Variants in AVIL observed in about 807,000 individuals in gnomAD.
AVIL encodes the protein advillin.
Under a neutral mutation model 109.9 loss-of-function variants are expected in AVIL, and 78 were observed. The ratio of observed to expected loss-of-function variants is 0.71; its 90% CI spans 0.59 to 0.86. The LOEUF is 0.86. AVIL is among the 40% of genes least tolerant of loss of function. The pLI is 0.00. For missense variants in AVIL, 892 were observed against 1,016.5 expected, an observed-to-expected ratio of 0.88 and a Z score of 1.67; for synonymous variants, 367 against 379.1, an observed-to-expected ratio of 0.97 and a Z score of 0.37.
intron 1 of AVIL, among the ~76,000 whole-genome samples, chr12:57,818,182 C>CGCTTTTTTTTT (rs1956119834): frequency 2.8e-5 from 1 of 35,256 alleles, no homozygotes; most frequent in Non-Finnish European, 5.3e-5. Context: ...CCATGCTTGG[C>CGCTTTTTTTTT]TTTTTTTTTT....
chr12:57,818,181 G>GTTTTTTTT (rs1956119665), intron 1 of AVIL, among the ~76,000 whole-genome samples: 1 of 59,380 alleles, frequency 1.7e-5, no homozygotes, highest in Non-Finnish European at 3.5e-5. Flanking sequence ...ACCATGCTTG[G>GTTTTTTTT]CTTTTTTTTT....
intron 14 of AVIL, among the ~76,000 whole-genome samples, chr12:57,805,201 GTGCACCAC>G (rs2140445837): frequency 6.6e-6 from 1 of 151,808 alleles, no homozygotes; most frequent in East Asian, 2.0e-4. Context: ...GACTACAGGC[GTGCACCAC>G]CATGCCCAGC....
At chr12:57,815,761 T>C in intron 2 of AVIL, 1 of 1,447,880 alleles carries the variant, frequency 6.9e-7, no homozygotes, top group South Asian at 1.4e-5. Context: ...GGAGCCCTGT[T>C]CTTCGGGGCT....
In AVIL at chr12:57,808,465, C is replaced by G; in HGVS notation, c.1023G>C (p.Gln341His). 1 of 1,614,186 alleles carries G rather than the reference C, an allele frequency of 6.2e-7. No individual in the cohort carries two copies. The highest frequency in any genetic ancestry group is 8.5e-7 in the Non-Finnish European group (1 of 1,180,012). ...CCTTTACTGACCACTTCTGGAACAG[C>G]TGCTTGAACATGGCCGACTCAGCAC... The part of the protein sequence containing the change: ...NDGAESAMFK[Q>H]LFQKWSVKDQ... The change falls in exon 10 of 20, where the codon CAG becomes CAC. Residue 341 changes from glutamine to histidine, a missense_variant. Transcript: ENST00000549994.
intron 14 of AVIL, 67 bp from the exon 15 acceptor site, chr12:57,803,736 C>T: frequency 1.3e-6 from 2 of 1,571,230 alleles, no homozygotes; most frequent in Non-Finnish European, 1.7e-6. Context: ...GAAAGAAAAG[C>T]ATCTGAGACT....
At chr12:57,798,153 T>G (rs985261754) in intron 19 of AVIL, among the ~76,000 whole-genome samples, 158 bp from the exon 20 acceptor site, 4 of 152,198 alleles carry the variant, frequency 2.6e-5, no homozygotes, top group African/African-American at 7.2e-5. Context: ...AAATTATTCA[T>G]TGGAGAGGTG....
chr12:57,814,052 C>A, intron 3 of AVIL, 100 bp downstream of exon 3: 2 of 1,272,092 alleles, frequency 1.6e-6, no homozygotes, highest in South Asian at 1.3e-5. Context: ...GAGACCGATA[C>A]CAGGGACTGA....
rs113580619 is a variant in AVIL, at chr12:57,801,122, C to T, written c.2220+22G>A. ...CTGGTTGCCCATGTGGCTGGCTTCT[C>T]CCAAGAGCGAACCCGACTCACAGCA... is the stretch of plus-strand genomic sequence containing the variant. On this transcript the variant is annotated intron_variant, in intron 18 of 19. Coordinates refer to ENST00000549994, the MANE Select transcript of AVIL (RefSeq NM_006576.4). 1.2e-5 allele frequency: 20 copies of T among 1,610,982 alleles called. No individual in the cohort carries two copies. The African/African-American group carries it at 1.6e-4, about 13-fold the overall frequency.
intron 11 of AVIL, 95 bp downstream of exon 11, chr12:57,808,099 C>T (rs993523249): frequency 3.5e-6 from 5 of 1,410,302 alleles, no homozygotes; most frequent in South Asian, 3.5e-5. Flanking sequence ...AAAGGGAAAG[C>T]AAAGCAGACA....
chr12:57,811,302 A>C (rs1956035322), intron 4 of AVIL, among the ~76,000 whole-genome samples, 175 bp from the exon 5 acceptor site: 1 of 152,190 alleles, frequency 6.6e-6, no homozygotes, highest in African/African-American at 2.4e-5. Flanking sequence ...ACTTTCTGGT[A>C]GCGAGTTGGG....
At chr12:57,806,133 CTTTTTTT>C (rs372846869) in intron 14 of AVIL, 7 of 142,460 alleles carry the variant, frequency 4.9e-5, no homozygotes, top group Non-Finnish European at 5.0e-5. Flanking sequence ...CCGTGCCCAG[CTTTTTTT>C]TTTTTTTTTT....
At chr12:57,807,047 G>A (rs1263399924) in intron 13 of AVIL, among the ~76,000 whole-genome samples, 1 of 152,198 alleles carries the variant, frequency 6.6e-6, no homozygotes, top group Non-Finnish European at 1.5e-5. Flanking sequence ...CACCTGACTG[G>A]AGTGGAGGGT....
At chr12:57,806,621 ATGT>A in intron 13 of AVIL, 82 bp from the exon 14 acceptor site, 2 of 1,482,318 alleles carry the variant, frequency 1.3e-6, no homozygotes. Flanking sequence ...GGAAACGTGA[ATGT>A]TATAGTATTA....
chr12:57,797,764 T>TA lies in AVIL; in HGVS notation c.*117dup, dbSNP rs1858787618. 3 of 846,712 alleles carry TA rather than the reference T, an allele frequency of 3.5e-6. No homozygotes were observed. Among genetic ancestry groups the TA allele is most frequent in the Non-Finnish European group, 5.0e-6 (3 of 595,252 alleles). The allele number at this position is 846,712 out of a possible 1,614,324, so 52.4% of individuals were successfully genotyped here. On this transcript the variant is annotated 3_prime_UTR_variant, in exon 20 of 20. Coordinates refer to ENST00000549994, the MANE Select transcript of AVIL (RefSeq NM_006576.4). ...AGAACATGCCGTGATTTGCAGACTC[T>TA]ATTATATCTAAATTAAGTAGCTGAA... is the stretch of plus-strand genomic sequence containing the variant.
chr12:57,798,455 T>C (rs1298495787), intron 19 of AVIL, among the ~76,000 whole-genome samples: 3 of 152,210 alleles, frequency 2.0e-5, no homozygotes, highest in Non-Finnish European at 4.4e-5. Flanking sequence ...ATTTATTGAA[T>C]ATTTATATAC....
rs976261154 is a variant in AVIL, at chr12:57,797,575, T to C, written c.*307A>G. Reference sequence around the variant, plus strand: ...TATTAAACATAAAGTTATTAAACATTTTAAGCATTGTTTTTTGGTTCTCTT... The same window carrying C: ...TATTAAACATAAAGTTATTAAACATCTTAAGCATTGTTTTTTGGTTCTCTT... On this transcript the variant is annotated 3_prime_UTR_variant, in exon 20 of 20. Transcript: ENST00000549994. 45 of 917,468 alleles carry C rather than the reference T, an allele frequency of 4.9e-5. No individual in the cohort carries two copies. The highest frequency in any genetic ancestry group is 6.0e-5 in the Admixed American group (1 of 16,714). 56.8% of individuals were successfully genotyped at this position (917,468 alleles called of 1,614,324 possible).
chr12:57,802,614 C>G (rs1016281716), intron 16 of AVIL: 1 of 702,792 alleles, frequency 1.4e-6, no homozygotes, highest in Non-Finnish European at 2.6e-6. Context: ...CAACTTCTTG[C>G]AGAACACCTC....
At chr12:57,818,092 C>G (rs4760329) in intron 1 of AVIL, among the ~76,000 whole-genome samples, 185 of 151,168 alleles carry the variant, frequency 1.2e-3, no homozygotes, top group Non-Finnish European at 1.9e-3. Flanking sequence ...AATCACGGCT[C>G]ACTGCAACCG....
At position 57,802,332 on chromosome 12, in the gene AVIL, C is replaced by A. The variant is rs746464019; in HGVS notation, c.1979G>T (p.Gly660Val). 1 of 1,612,198 alleles carries A rather than the reference C, an allele frequency of 6.2e-7. No individual in the cohort carries two copies. Among genetic ancestry groups the A allele is most frequent in the Non-Finnish European group, 8.5e-7 (1 of 1,179,084 alleles). Residue 660 changes from glycine (G) to valine (V), a missense_variant, in exon 17 of 20, where the codon GGG (glycine) becomes GTG (valine). By Grantham distance (109) the Gly-to-Val change is moderately radical. Coordinates refer to ENST00000549994, the MANE Select transcript of AVIL (RefSeq NM_006576.4). Reference protein sequence around the residue: ...DTWDQVFLWIGAEANATEKES... With the variant: ...DTWDQVFLWIVAEANATEKES... ...CTTCTCCGTGGCATTGGCCTCAGCC[C>A]CAATCCACAAGAACACCTGTTAAGG... is the stretch of plus-strand genomic sequence containing the variant.
Sources: allele counts gnomAD v4.1 joint callset (sites outside exome capture counted in the v4.1 genomes callset), GRCh38; gene constraint gnomAD v4.1.1; transcripts MANE v1.5; gene names NCBI Gene and HGNC (gene_info 2026-07-23, HGNC 2026-07-21).